Variants in GOLGA1 observed in about 807,000 individuals in gnomAD.
The protein encoded by GOLGA1 is golgin A1, also known as golgin subfamily A member 1.
Under a neutral mutation model 119.7 loss-of-function variants are expected in GOLGA1, and 63 were observed. The ratio of observed to expected loss-of-function variants is 0.53; its 90% CI spans 0.43 to 0.65. GOLGA1 has a LOEUF of 0.65. Ranked by LOEUF, GOLGA1 falls within the 30% of genes least tolerant of loss-of-function variation. GOLGA1 has a pLI of 0.00. For synonymous variants in GOLGA1, 318 were observed against 333.4 expected (o/e 0.95, Z 0.50); for missense variants, 798 against 912.8 (o/e 0.87, Z 1.62).
rs1207045912 is a variant in GOLGA1, at chr9:124,900,297, C to G, written c.1161+155G>C. On this transcript the variant is annotated intron_variant, in intron 13 of 22. Coordinates refer to ENST00000373555, the MANE Select transcript of GOLGA1 (RefSeq NM_002077.4). ...CATTAGGTCCTGACTCCCTCCACCC[C>G]CTGCTGCTGGCCTGCTCACATCCAG... 3 of 519,346 alleles carry G rather than the reference C, an allele frequency of 5.8e-6. No homozygotes were observed. In the East Asian group the frequency reaches 1.0e-4, roughly 18 times the overall value. 32.2% of individuals were successfully genotyped at this position (519,346 alleles called of 1,614,324 possible). A position where few individuals can be genotyped will look rare whatever the true frequency, so the allele number is the denominator to read the frequency against.
At chr9:124,940,662 C>T (rs943450287) in intron 1 of GOLGA1, among the ~76,000 whole-genome samples, 1 of 152,160 alleles carries the variant, frequency 6.6e-6, no homozygotes, top group Non-Finnish European at 1.5e-5. Context: ...CCTCCAGCCC[C>T]GCCCGTGCTT....
At chr9:124,921,036 T>G (rs1830559332) in intron 10 of GOLGA1, 93 bp downstream of exon 10, 1 of 780,422 alleles carries the variant, frequency 1.3e-6, no homozygotes, top group Non-Finnish European at 2.3e-6. Context: ...ATGAGAAATG[T>G]ATGTTCAGTA....
intron 19 of GOLGA1, among the ~76,000 whole-genome samples, chr9:124,884,928 T>G (rs554494292): frequency 6.6e-6 from 1 of 152,312 alleles, no homozygotes; most frequent in Admixed American, 6.5e-5. Flanking sequence ...CCAGGTGTGG[T>G]GGCTCACACC....
In GOLGA1 at chr9:124,888,418, T is replaced by C. The variant is rs778455104; in HGVS notation, c.1762-22A>G. 67 of 1,612,846 alleles carry C rather than the reference T, an allele frequency of 4.2e-5. No individual in the cohort carries two copies. The highest frequency in any genetic ancestry group is 5.3e-5 in the Non-Finnish European group (63 of 1,179,212). ...TCACCTACAAGGTGGCAGCAGCAAA[T>C]TGAGAGCCAGGACAGGTCAGGTGAA... On this transcript the variant is annotated intron_variant, in intron 18 of 22. Coordinates refer to ENST00000373555, the MANE Select transcript of GOLGA1 (RefSeq NM_002077.4). The surrounding 1 kb of genome is among the most constrained non-coding windows in gnomAD (Gnocchi z 4.4).
intron 3 of GOLGA1, among the ~76,000 whole-genome samples, chr9:124,933,717 G>T (rs942126928): frequency 6.6e-6 from 1 of 152,116 alleles, no homozygotes; most frequent in African/African-American, 2.4e-5. Context: ...GCCTGGCCTG[G>T]ATTCTGGAAT....
intron 15 of GOLGA1, among the ~76,000 whole-genome samples, chr9:124,895,623 G>A (rs539296121): frequency 1.4e-5 from 2 of 140,782 alleles, no homozygotes; most frequent in East Asian, 4.5e-4. Flanking sequence ...CTCCACGACA[G>A]GGAGCCTCCA....
At chr9:124,912,353 T>C (rs1338777132) in intron 10 of GOLGA1, among the ~76,000 whole-genome samples, 1 of 151,824 alleles carries the variant, frequency 6.6e-6, no homozygotes, top group South Asian at 2.1e-4. Context: ...CAATGACCTA[T>C]GGAACAATGC....
intron 19 of GOLGA1, among the ~76,000 whole-genome samples, chr9:124,885,399 C>T (rs1248902429): frequency 1.3e-5 from 2 of 149,490 alleles, no homozygotes; most frequent in Admixed American, 1.3e-4. Context: ...GCAACAGAAT[C>T]GCTTGCACCG....
chr9:124,938,641 C>G lies in GOLGA1; in HGVS notation c.71G>C (p.Arg24Thr). The G allele has an allele frequency of 3.1e-6, 5 of 1,613,356 alleles. No individual in the cohort carries two copies. The highest frequency in any genetic ancestry group is 4.2e-6 in the Non-Finnish European group (5 of 1,179,338). ...TTCCTTGCTCACAGACCGTGGGATC[C>G]TAGTAGCACCTCCTGGCCTCTGAGC... ...AVAQRPGGAT[R>T]IPRSVSKESV... The change falls in exon 3 of 23, where the codon AGG becomes ACG. Residue 24 changes from arginine (R) to threonine (T), a missense_variant. By Grantham distance (71) the Arg-to-Thr change is moderately conservative (BLOSUM62 -1). Transcript: ENST00000373555.
At chr9:124,904,383 C>G (rs1830177448) in intron 12 of GOLGA1, among the ~76,000 whole-genome samples, 1 of 151,870 alleles carries the variant, frequency 6.6e-6, no homozygotes, top group African/African-American at 2.4e-5. Context: ...ACAATGTACA[C>G]TGATCAAAAA....
rs1218719726 is a variant in GOLGA1, at chr9:124,881,636, C to T, written c.2136+148G>A. Reference sequence around the variant, plus strand: ...GCCAGCCGCTCACTCCGCAGGCCAACGCCAGCAGGAGAAATGACTGGGTGA... The same window carrying T: ...GCCAGCCGCTCACTCCGCAGGCCAATGCCAGCAGGAGAAATGACTGGGTGA... On this transcript the variant is annotated intron_variant, in intron 21 of 22. Transcript: ENST00000373555. The surrounding 1 kb of genome is among the most constrained non-coding windows in gnomAD (Gnocchi z 4.9). The T allele has an allele frequency of 7.4e-6, 5 of 676,048 alleles. No individual in the cohort carries two copies. The highest frequency in any genetic ancestry group is 1.8e-5 in the African/African-American group (1 of 55,572). 41.9% of individuals were successfully genotyped at this position (676,048 alleles called of 1,614,324 possible).
At position 124,879,747 on chromosome 9, in the gene GOLGA1, A is replaced by C. The variant is rs1252030346; in HGVS notation, c.*783T>G. On this transcript the variant is annotated 3_prime_UTR_variant, in exon 23 of 23. Coordinates refer to ENST00000373555, the MANE Select transcript of GOLGA1 (RefSeq NM_002077.4). Reference sequence around the variant, plus strand: ...ACCAGTTAAATGGATTTTATAGTACAGAAGACATGTTTATAGTAGTGAAGA... The same window carrying C: ...ACCAGTTAAATGGATTTTATAGTACCGAAGACATGTTTATAGTAGTGAAGA... The C allele has an allele frequency of 7.6e-6, 1 of 131,150 alleles. No homozygotes were observed. The allele number at this position is 131,150 out of a possible 1,614,324, so 8.1% of individuals were successfully genotyped here. A position where few individuals can be genotyped will look rare whatever the true frequency, so the allele number is the denominator to read the frequency against.
At chr9:124,884,971 C>T (rs970816564) in intron 19 of GOLGA1, among the ~76,000 whole-genome samples, 1 of 152,008 alleles carries the variant, frequency 6.6e-6, no homozygotes, top group Non-Finnish European at 1.5e-5. Context: ...CCAAGGCAGG[C>T]GGATCACAAG....
At chr9:124,891,361 G>A (rs1829850417) in intron 15 of GOLGA1, among the ~76,000 whole-genome samples, 1 of 152,254 alleles carries the variant, frequency 6.6e-6, no homozygotes, top group Admixed American at 6.5e-5. Flanking sequence ...GCTTTGAAGA[G>A]CGTGGATGGA....
At chr9:124,911,055 C>T (rs1257323000) in intron 11 of GOLGA1, among the ~76,000 whole-genome samples, 1 of 152,186 alleles carries the variant, frequency 6.6e-6, no homozygotes, top group Non-Finnish European at 1.5e-5. Flanking sequence ...CTAGAACCCA[C>T]ATTACACTTC....
At chr9:124,913,232 C>T (rs1364621730) in intron 10 of GOLGA1, among the ~76,000 whole-genome samples, 1 of 152,178 alleles carries the variant, frequency 6.6e-6, no homozygotes, top group Admixed American at 6.5e-5. Flanking sequence ...CACCAGGTCC[C>T]TCCCTTGACA....
At position 124,938,662 on chromosome 9, in the gene GOLGA1, T is replaced by TC; in HGVS notation, c.49_50insG (p.Gln17ArgfsTer8). 1 of 1,613,560 alleles carries TC rather than the reference T, an allele frequency of 6.2e-7. No individual in the cohort carries two copies. Among genetic ancestry groups the TC allele is most frequent in the Non-Finnish European group, 8.5e-7 (1 of 1,179,512 alleles). On this transcript the variant is annotated frameshift_variant, in exon 3 of 23. Transcript: ENST00000373555. LOFTEE classifies it high-confidence loss of function. ...GATCCTAGTAGCACCTCCTGGCCTCTGAGCAACAGCAGTCTCTTCTGCAAT... is the reference window on the plus strand; with the variant it reads ...GATCCTAGTAGCACCTCCTGGCCTCTCGAGCAACAGCAGTCTCTTCTGCAAT...
Position 124,929,286 on chromosome 9 carries a change from A to G in GOLGA1, c.231T>C (p.Tyr77=), listed in dbSNP as rs777332519. ...IRKLEARLSD[Y]AEQVRNLQKI... ...TCTGCAAGTTTCGGACCTGTTCAGC[A>G]TAGTCTTGGGTGAGGAGGGTGACGC... Residue 77 remains tyrosine (Y), a synonymous_variant, in exon 5 of 23, where the codon TAT becomes TAC. Coordinates refer to ENST00000373555, the MANE Select transcript of GOLGA1 (RefSeq NM_002077.4). 1 of 1,604,860 alleles carries G rather than the reference A, an allele frequency of 6.2e-7. No individual in the cohort carries two copies. Among genetic ancestry groups the G allele is most frequent in the Non-Finnish European group, 8.5e-7 (1 of 1,171,548 alleles).
Position 124,929,406 on chromosome 9 carries a change from C to A in GOLGA1, c.227-116G>T, listed in dbSNP as rs908496536. 7 of 722,388 alleles carry A rather than the reference C, an allele frequency of 9.7e-6. No individual in the cohort carries two copies. Among genetic ancestry groups the A allele is most frequent in the Non-Finnish European group, 1.8e-5 (7 of 398,982 alleles). The allele number at this position is 722,388 out of a possible 1,614,324, so 44.7% of individuals were successfully genotyped here. On this transcript the variant is annotated intron_variant, in intron 4 of 22. Transcript: ENST00000373555. ...GATTTTCTTAACCTGAAAACCATTC[C>A]TGTTAAGGAAAGCTAGACAGACAGC...
Sources: gnomAD v4.1 joint callset for allele counts (sites outside exome capture counted in the v4.1 genomes callset) on GRCh38, gnomAD v4.1.1 for gene constraint, Gnocchi (gnomAD v3.1) non-coding constraint, MANE v1.5 for transcripts, NCBI Gene and HGNC (gene_info 2026-07-23, HGNC 2026-07-21) for gene names.